The following FKBP15 variants were observed in gnomAD, a reference collection of about 807,000 sequenced individuals.
FKBP15 encodes the protein FKBP prolyl isomerase family member 15.
Under a neutral mutation model 158.1 loss-of-function variants are expected in FKBP15, and 106 were observed. The observed-to-expected ratio is 0.67, with a 90% CI of 0.57 to 0.79. The LOEUF (loss-of-function observed/expected upper bound fraction) is 0.79, where lower values mean the gene tolerates loss of function less well. FKBP15 is among the 30% of genes least tolerant of loss of function. The pLI, the probability that FKBP15 is intolerant of heterozygous loss-of-function variation, is 0.00. For missense variants in FKBP15, 1,287 were observed against 1,479.1 expected (o/e 0.87, Z 2.13); for synonymous variants, 547 against 548.6 (o/e 1.00, Z 0.04).
rs564703765 is a variant in FKBP15, at chr9:113,220,393, C to T, written c.53+798G>A. ...ACAATGGAAAAGGCTAAACTGACTA[C>T]TAAAAGAGACAAAACCCTTCCTCTC... On this transcript the variant is annotated intron_variant, in intron 1 of 27. Transcript: ENST00000238256. Among the ~76,000 whole-genome samples, 5 of 152,316 alleles carry T rather than the reference C, an allele frequency of 3.3e-5. No homozygotes were observed. In the South Asian group the frequency reaches 1.0e-3, roughly 32 times the overall value.
At chr9:113,207,356 T>TTTTTTTTTTTTTTTTTTTG in intron 2 of FKBP15, 60 bp from the exon 3 acceptor site, 1 of 1,345,828 alleles carries the variant, frequency 7.4e-7, no homozygotes, top group Non-Finnish European at 1.0e-6. Flanking sequence ...TAATTTTTTT[T>TTTTTTTTTTTTTTTTTTTG]AAAGACGGAG....
chr9:113,203,039 T>C lies in FKBP15; in HGVS notation c.325-4A>G, dbSNP rs1830823214. 1.3e-6 allele frequency: 2 copies of C among 1,597,314 alleles called. No individual in the cohort carries two copies. Among genetic ancestry groups the C allele is most frequent in the African/African-American group, 1.4e-5 (1 of 73,198 alleles). ...TGATATAAAGAAGAATCCTATACTGTAGACAAGCAACGACAGATAGAAAAA... is the reference window on the plus strand; with the variant it reads ...TGATATAAAGAAGAATCCTATACTGCAGACAAGCAACGACAGATAGAAAAA... On this transcript the variant is annotated splice_region_variant and splice_polypyrimidine_tract_variant and intron_variant, in intron 4 of 27. Coordinates refer to ENST00000238256, the MANE Select transcript of FKBP15 (RefSeq NM_015258.2).
At chr9:113,208,679 T>C (rs1324806097) in intron 2 of FKBP15, among the ~76,000 whole-genome samples, 1 of 151,780 alleles carries the variant, frequency 6.6e-6, no homozygotes, top group African/African-American at 2.4e-5. Context: ...GGTAAAGGAG[T>C]ATAAAAAATT....
intron 14 of FKBP15, 78 bp downstream of exon 14, chr9:113,187,715 T>C: frequency 8.5e-7 from 1 of 1,170,880 alleles, no homozygotes; most frequent in Non-Finnish European, 1.2e-6. Context: ...CTGTATGAAA[T>C]GTACAGGAAG....
At position 113,165,240 on chromosome 9, in the gene FKBP15, T is replaced by G. The variant is rs1362952626; in HGVS notation, c.*838A>C. The G allele has an allele frequency of 6.6e-6, 1 of 152,190 alleles. No homozygotes were observed. Among genetic ancestry groups the G allele is most frequent in the Non-Finnish European group, 1.5e-5 (1 of 68,040 alleles). 9.4% of individuals were successfully genotyped at this position (152,190 alleles called of 1,614,324 possible). On this transcript the variant is annotated 3_prime_UTR_variant, in exon 28 of 28. Transcript: ENST00000238256. ...AAAGAAGGGACCCTCTCACCTTCTT[T>G]GCATGGCTTCCTAGACTGCAGGACT...
At chr9:113,170,392 A>C (rs969406147) in intron 25 of FKBP15, 130 bp downstream of exon 25, 2 of 710,414 alleles carry the variant, frequency 2.8e-6, no homozygotes, top group African/African-American at 1.8e-5. Flanking sequence ...TTGGCCTCCC[A>C]AAATGCTGGG....
Position 113,186,248 on chromosome 9 carries a change from C to T in FKBP15, c.1498+1G>A. The T allele has an allele frequency of 6.4e-7, 1 of 1,555,814 alleles. No homozygotes were observed. Among genetic ancestry groups the T allele is most frequent in the South Asian group, 1.2e-5 (1 of 84,308 alleles). On this transcript the variant is annotated splice_donor_variant, in intron 15 of 27. Transcript: ENST00000238256. LOFTEE classifies it high-confidence loss of function. ...GAGAAACTGAGGGAATTACTCCCTA[C>T]CTTGGAAATGGGGAGGCTGAGAGAG...
intron 19 of FKBP15, among the ~76,000 whole-genome samples, chr9:113,181,105 G>C (rs762839644): frequency 2.6e-5 from 4 of 152,212 alleles, no homozygotes; most frequent in Non-Finnish European, 5.9e-5. Flanking sequence ...TGCATCAAGA[G>C]ATTCCCTAAA....
Position 113,169,440 on chromosome 9 carries a change from T to G in FKBP15, c.3269A>C (p.Gln1090Pro), listed in dbSNP as rs2118857087. The G allele has an allele frequency of 6.2e-7, 1 of 1,614,030 alleles. No homozygotes were observed. The highest frequency in any genetic ancestry group is 8.5e-7 in the Non-Finnish European group (1 of 1,179,898). Residue 1090 changes from glutamine (Q) to proline (P), a missense_variant, in exon 26 of 28, where the codon CAA (glutamine) becomes CCA (proline). Transcript: ENST00000238256. ...CAGGGACAGTCTTGTGGAGCTTTCT[T>G]GTAGTGGGCCATCTGGTGCTACTTC... ...VREVAPDGPL[Q>P]ESSTRLSLTS...
In FKBP15 at chr9:113,166,003, G is replaced by T; in HGVS notation, c.*75C>A. On this transcript the variant is annotated 3_prime_UTR_variant, in exon 28 of 28. Coordinates refer to ENST00000238256, the MANE Select transcript of FKBP15 (RefSeq NM_015258.2). ...TTGACCTCACCCTGTGGTTCGCCTA[G>T]ACCCAGGGTTGGCTGTGCAAAATCA... 1 of 1,432,222 alleles carries T rather than the reference G, an allele frequency of 7.0e-7. No individual in the cohort carries two copies. The highest frequency in any genetic ancestry group is 1.2e-5 in the South Asian group (1 of 81,312). The allele number at this position is 1,432,222 out of a possible 1,614,324, so 88.7% of individuals were successfully genotyped here.
Position 113,188,504 on chromosome 9 carries a change from C to A in FKBP15, c.1174-13G>T, listed in dbSNP as rs756784052. On this transcript the variant is annotated splice_polypyrimidine_tract_variant and intron_variant, in intron 12 of 27. Transcript: ENST00000238256. Reference sequence around the variant, plus strand: ...GAGTGTTCACATCCTGAAACAGGAACAAGCGTTTGGGTTACTCTGTACGGG... The same window carrying A: ...GAGTGTTCACATCCTGAAACAGGAAAAAGCGTTTGGGTTACTCTGTACGGG... 8 of 1,610,178 alleles carry A rather than the reference C, an allele frequency of 5.0e-6. No individual in the cohort carries two copies. The highest frequency in any genetic ancestry group is 4.5e-5 in the East Asian group (2 of 44,866).
chr9:113,215,042 C>G (rs1225720288), intron 1 of FKBP15, among the ~76,000 whole-genome samples: 1 of 152,354 alleles, frequency 6.6e-6, no homozygotes, highest in Non-Finnish European at 1.5e-5. Flanking sequence ...GTTTGATGTT[C>G]TATCAGATTC....
intron 1 of FKBP15, among the ~76,000 whole-genome samples, chr9:113,215,964 T>C (rs1831122293): frequency 6.6e-6 from 1 of 151,494 alleles, no homozygotes. Context: ...AGAATATTTT[T>C]GAATATTAAG....
chr9:113,194,255 G>A, intron 9 of FKBP15, 86 bp from the exon 10 acceptor site: 2 of 1,087,622 alleles, frequency 1.8e-6, no homozygotes, highest in Non-Finnish European at 2.6e-6. Flanking sequence ...ATCACACTCT[G>A]GGGACTGTTG....
chr9:113,187,776 C>T lies in FKBP15; in HGVS notation c.1383+17G>A, dbSNP rs559362805. ...AGCAAATTATAGGATATAATTAATACGGTTATAAAATGTTACCTGAAAGGA... is the reference window on the plus strand; with the variant it reads ...AGCAAATTATAGGATATAATTAATATGGTTATAAAATGTTACCTGAAAGGA... On this transcript the variant is annotated intron_variant, in intron 14 of 27. Coordinates refer to ENST00000238256, the MANE Select transcript of FKBP15 (RefSeq NM_015258.2). The T allele has an allele frequency of 2.3e-5, 36 of 1,573,344 alleles. No individual in the cohort carries two copies. The highest frequency in any genetic ancestry group is 1.7e-4 in the Middle Eastern group (1 of 5,976).
At chr9:113,202,849 GGAC>G in intron 5 of FKBP15, 109 bp downstream of exon 5, 2 of 912,750 alleles carry the variant, frequency 2.2e-6, no homozygotes, top group Non-Finnish European at 3.4e-6. Context: ...ATACTCACAA[GGAC>G]ACCCAGGGCT....
Position 113,207,220 on chromosome 9 carries a change from T to A in FKBP15, c.246A>T (p.Ala82=). The A allele has an allele frequency of 6.2e-7, 1 of 1,612,664 alleles. No homozygotes were observed. The highest frequency in any genetic ancestry group is 8.5e-7 in the Non-Finnish European group (1 of 1,178,994). Residue 82 remains alanine (A), a synonymous_variant, in exon 3 of 28, where the codon GCA becomes GCT. Coordinates refer to ENST00000238256, the MANE Select transcript of FKBP15 (RefSeq NM_015258.2). ...CCTTCTCAGCGACTTACTATCGATATGCATGGACTGCTGTTGCGACCAGTA... is the reference window on the plus strand; with the variant it reads ...CCTTCTCAGCGACTTACTATCGATAAGCATGGACTGCTGTTGCGACCAGTA... ...PTILVATAVH[A]YRYTNGQYVK...
chr9:113,194,932 C>T (rs1190857836), intron 9 of FKBP15, among the ~76,000 whole-genome samples: 2 of 152,152 alleles, frequency 1.3e-5, no homozygotes, highest in African/African-American at 2.4e-5. Context: ...ATAAACAATG[C>T]TTCCATGAAT....
chr9:113,172,659 C>T (rs1025958999), intron 23 of FKBP15, among the ~76,000 whole-genome samples: 3 of 152,168 alleles, frequency 2.0e-5, no homozygotes, highest in Non-Finnish European at 2.9e-5. Context: ...GGTTGCTTGC[C>T]TTGTTCCCAA....
Sources: allele counts gnomAD v4.1 joint callset (sites outside exome capture counted in the v4.1 genomes callset), GRCh38; gene constraint gnomAD v4.1.1; transcripts MANE v1.5; gene names NCBI Gene and HGNC (gene_info 2026-07-23, HGNC 2026-07-21).